Variants in CCDC149 observed in about 807,000 individuals in gnomAD.
The protein encoded by CCDC149 is coiled-coil domain-containing protein 149.
CCDC149 carries 45 observed loss-of-function variants against 59.9 expected under a neutral mutation model. The observed-to-expected ratio is 0.75, with a 90% CI of 0.59 to 0.96. The LOEUF (loss-of-function observed/expected upper bound fraction) is 0.96. Among genes scored for constraint, CCDC149 ranks in the 40% least tolerant of loss-of-function variants. The pLI is 0.00. For missense variants in CCDC149, 584 were observed against 664.7 expected (o/e 0.88, Z 1.33); for synonymous variants, 245 against 260.6 (o/e 0.94, Z 0.58).
chr4:24,969,035 G>A (rs999135125), intron 1 of CCDC149, among the ~76,000 whole-genome samples: 1 of 152,200 alleles, frequency 6.6e-6, no homozygotes, highest in African/African-American at 2.4e-5. Context: ...ATGACCTTGT[G>A]GCTACACCAG....
intron 1 of CCDC149, among the ~76,000 whole-genome samples, chr4:24,880,991 A>T (rs1038186256): frequency 3.3e-5 from 5 of 152,204 alleles, no homozygotes; most frequent in Admixed American, 3.3e-4. Context: ...AGCACGGGGT[A>T]AGGGCTCCAG....
chr4:24,816,838 T>C (rs1372819848), intron 12 of CCDC149, among the ~76,000 whole-genome samples: 5 of 152,068 alleles, frequency 3.3e-5, no homozygotes, highest in Non-Finnish European at 7.4e-5. Flanking sequence ...AAATTGCTAA[T>C]CACCCAAAAA....
At chr4:24,850,194 C>T (rs879822907) in intron 4 of CCDC149, among the ~76,000 whole-genome samples, 1 of 151,792 alleles carries the variant, frequency 6.6e-6, no homozygotes, top group East Asian at 1.9e-4. Context: ...TCCCTTTATT[C>T]ATTCATTTCA....
Position 24,957,580 on chromosome 4 carries a change from C to T in CCDC149, c.-65+22489G>A, listed in dbSNP as rs1423769974. Among the ~76,000 whole-genome samples, 4 of 152,202 alleles carry T rather than the reference C, an allele frequency of 2.6e-5. No homozygotes were observed. In the East Asian group the frequency reaches 5.8e-4, roughly 22 times the overall value. The stretch of plus-strand genomic sequence containing the variant: ...ATAAGAAATTTAAGTCAACGGAATA[C>T]ATGTATTCATAAGCAATGAGCAATG... On this transcript the variant is annotated intron_variant, in intron 1 of 12. Coordinates refer to the CCDC149 transcript ENST00000389609.
intron 1 of CCDC149, among the ~76,000 whole-genome samples, chr4:24,964,192 T>TAAAAAAAAAAAAAAA (rs377278394): frequency 4.2e-5 from 5 of 119,208 alleles, no homozygotes; most frequent in African/African-American, 6.7e-5. Flanking sequence ...AGACCCTATC[T>TAAAAAAAAAAAAAAA]AAAAAAAAAA....
At chr4:24,820,051 T>C in intron 11 of CCDC149, 76 bp from the exon 12 acceptor site, 1 of 1,065,576 alleles carries the variant, frequency 9.4e-7, no homozygotes, top group Non-Finnish European at 1.4e-6. Context: ...ACACACTTAA[T>C]CGGCACAGGG....
intron 12 of CCDC149, among the ~76,000 whole-genome samples, chr4:24,811,872 CAAA>C (rs35269758): frequency 0.023 from 3,151 of 135,000 alleles, 131 homozygotes; most frequent in African/African-American, 0.08. Context: ...GACTCCGACT[CAAA>C]AAAAAAAAAA....
chr4:24,894,089 T>C (rs1467077577), intron 1 of CCDC149, among the ~76,000 whole-genome samples: 3 of 152,194 alleles, frequency 2.0e-5, no homozygotes, highest in African/African-American at 7.2e-5. Context: ...GCATATTCCC[T>C]GATGTCTACT....
At chr4:24,910,018 T>A (rs987896533) in intron 1 of CCDC149, among the ~76,000 whole-genome samples, 3 of 152,160 alleles carry the variant, frequency 2.0e-5, no homozygotes, top group African/African-American at 7.2e-5. Context: ...ATAAACGGGG[T>A]GGCTTAAAAC....
intron 3 of CCDC149, among the ~76,000 whole-genome samples, chr4:24,859,379 T>G (rs1718232532): frequency 6.6e-6 from 1 of 152,198 alleles, no homozygotes; most frequent in Admixed American, 6.5e-5. Flanking sequence ...TTTATCAGAA[T>G]GTAACCCCCT....
At chr4:24,868,219 G>A (rs993108506) in intron 3 of CCDC149, among the ~76,000 whole-genome samples, 1 of 152,110 alleles carries the variant, frequency 6.6e-6, no homozygotes, top group African/African-American at 2.4e-5. Flanking sequence ...GTAAACCAAA[G>A]CTTTCTGCTT....
intron 12 of CCDC149, 108 bp downstream of exon 12, chr4:24,819,751 G>T: frequency 1.2e-6 from 1 of 815,250 alleles, no homozygotes; most frequent in Non-Finnish European, 2.1e-6. Context: ...TCCCAATGAT[G>T]CCAAAGCAGC....
chr4:24,962,365 A>C (rs2109361890), intron 1 of CCDC149, among the ~76,000 whole-genome samples: 1 of 152,324 alleles, frequency 6.6e-6, no homozygotes, highest in Admixed American at 6.5e-5. Context: ...TGTTGGTGGG[A>C]CTGTAAACTA....
At chr4:24,828,069 ATAAT>A (rs1715876998) in intron 9 of CCDC149, 2 of 152,222 alleles carry the variant, frequency 1.3e-5, no homozygotes, top group South Asian at 2.1e-4. Context: ...CATTTGTAGT[ATAAT>A]TAGTTTCTTT....
At chr4:24,967,171 C>T (rs1723827381) in intron 1 of CCDC149, among the ~76,000 whole-genome samples, 1 of 152,122 alleles carries the variant, frequency 6.6e-6, no homozygotes, top group African/African-American at 2.4e-5. Flanking sequence ...AAGCCATGGC[C>T]AGGGAATTCG....
rs1714176454 is a variant in CCDC149, at chr4:24,806,429, A to T, written c.*1960T>A. The stretch of plus-strand genomic sequence containing the variant: ...TCTATTACGAGCCCTGCTTTTCAGA[A>T]GGTGCTCAACAGGCCCTGAAGATGT... On this transcript the variant is annotated 3_prime_UTR_variant, in exon 13 of 13. Coordinates refer to ENST00000635206, the MANE Select transcript of CCDC149 (RefSeq NM_001330643.2). The T allele has an allele frequency of 6.6e-6, 1 of 152,204 alleles. No individual in the cohort carries two copies. Among genetic ancestry groups the T allele is most frequent in the Non-Finnish European group, 1.5e-5 (1 of 68,032 alleles). 9.4% of individuals were successfully genotyped at this position (152,204 alleles called of 1,614,324 possible). A position where few individuals can be genotyped will look rare whatever the true frequency, so the allele number is the denominator to read the frequency against.
chr4:24,857,712 C>G (rs998153051), intron 3 of CCDC149, among the ~76,000 whole-genome samples: 1 of 152,184 alleles, frequency 6.6e-6, no homozygotes, highest in Non-Finnish European at 1.5e-5. Context: ...AAGAAATCTA[C>G]TAAGAGCCAG....
At chr4:24,850,448 G>GA (rs11451547) in intron 4 of CCDC149, among the ~76,000 whole-genome samples, 134,532 of 152,160 alleles carry the variant, frequency 0.88, 59,770 homozygotes, top group African/African-American at 0.96. Flanking sequence ...GAGAGGAGCA[G>GA]AGCTTGCAGG....
At chr4:24,841,499 C>A (rs942446851) in intron 4 of CCDC149, among the ~76,000 whole-genome samples, 3 of 152,188 alleles carry the variant, frequency 2.0e-5, no homozygotes, top group African/African-American at 7.2e-5. Context: ...AATCTCAGGG[C>A]TGGACTGGTT....
Sources: allele counts gnomAD v4.1 joint callset (sites outside exome capture counted in the v4.1 genomes callset), GRCh38; gene constraint gnomAD v4.1.1; transcripts MANE v1.5; gene names NCBI Gene and HGNC (gene_info 2026-07-23, HGNC 2026-07-21).